Variants in CERS6 observed in about 807,000 individuals in gnomAD.
CERS6 encodes the protein LAG1 homolog, ceramide synthase 6.
CERS6 carries 26 observed loss-of-function variants against 56.8 expected under a neutral mutation model. The observed-to-expected ratio is 0.46, with a 90% confidence interval of 0.34 to 0.63. The LOEUF is 0.63. CERS6 is among the 30% of genes least tolerant of loss of function. The probability of loss-of-function intolerance (pLI) is 0.01; values close to 1 mark genes in which losing one functional copy is unlikely to be tolerated. For synonymous variants in CERS6, 164 were observed against 173.3 expected, an observed-to-expected ratio of 0.95 and a Z score of 0.42; for missense variants, 415 against 467.5, an observed-to-expected ratio of 0.89 and a Z score of 1.04.
chr2:168,604,164 G>A (rs1043752598), intron 3 of CERS6, among the ~76,000 whole-genome samples: 3 of 152,206 alleles, frequency 2.0e-5, no homozygotes, highest in African/African-American at 7.2e-5. Flanking sequence ...CCTTAATTAA[G>A]ATATACTTGA....
At chr2:168,658,504 C>G (rs942345895) in intron 4 of CERS6, among the ~76,000 whole-genome samples, 1 of 152,220 alleles carries the variant, frequency 6.6e-6, no homozygotes, top group African/African-American at 2.4e-5. Flanking sequence ...AGAGGGAACT[C>G]TTTGCCAAGG....
At chr2:168,746,495 G>T (rs1282885677) in intron 8 of CERS6, among the ~76,000 whole-genome samples, 2 of 151,844 alleles carry the variant, frequency 1.3e-5, no homozygotes, top group African/African-American at 4.8e-5. Context: ...ATCTAAGGAA[G>T]ATTTGGGTGG....
At chr2:168,737,069 A>G (rs1246570353) in intron 8 of CERS6, among the ~76,000 whole-genome samples, 1 of 152,114 alleles carries the variant, frequency 6.6e-6, no homozygotes, top group African/African-American at 2.4e-5. Context: ...GTGAAGAGCT[A>G]TTGCTTCCTG....
intron 3 of CERS6, among the ~76,000 whole-genome samples, chr2:168,580,751 A>G (rs1399358692): frequency 6.6e-6 from 1 of 152,022 alleles, no homozygotes; most frequent in African/African-American, 2.4e-5. Flanking sequence ...CTCATTCTTG[A>G]AGATTTTTTC....
intron 1 of CERS6, among the ~76,000 whole-genome samples, chr2:168,542,271 A>G (rs1333151750): frequency 1.3e-5 from 2 of 152,226 alleles, no homozygotes; most frequent in Non-Finnish European, 2.9e-5. Context: ...AGTTCTAAGA[A>G]ATAGTACAAT....
chr2:168,637,128 A>G (rs1439720062), intron 4 of CERS6, among the ~76,000 whole-genome samples: 1 of 152,202 alleles, frequency 6.6e-6, no homozygotes, highest in Non-Finnish European at 1.5e-5. Context: ...ATGCAGAATA[A>G]TCTTAAATAT....
intron 1 of CERS6, among the ~76,000 whole-genome samples, chr2:168,536,407 T>A (rs12463944): frequency 0.43 from 64,658 of 151,952 alleles, 15,037 homozygotes; most frequent in South Asian, 0.72. Context: ...GGAGATTTTT[T>A]AATAAAATAA....
intron 2 of CERS6, among the ~76,000 whole-genome samples, chr2:168,550,750 A>G (rs1461419160): frequency 6.6e-6 from 1 of 152,146 alleles, no homozygotes; most frequent in African/African-American, 2.4e-5. Flanking sequence ...TGCAACCTCT[A>G]TGCCCAGATT....
At chr2:168,505,444 T>A (rs1694660357) in intron 1 of CERS6, among the ~76,000 whole-genome samples, 1 of 149,228 alleles carries the variant, frequency 6.7e-6, no homozygotes, top group Non-Finnish European at 1.5e-5. Context: ...CAAGGAAATC[T>A]CTCCCTATCA....
intron 2 of CERS6, among the ~76,000 whole-genome samples, chr2:168,559,610 A>T (rs1291492374): frequency 6.6e-6 from 1 of 151,324 alleles, no homozygotes; most frequent in Non-Finnish European, 1.5e-5. Context: ...TACCTCTCAA[A>T]GGCTCCAGCT....
intron 8 of CERS6, among the ~76,000 whole-genome samples, chr2:168,731,832 T>TA (rs1322807538): frequency 2.6e-5 from 4 of 152,204 alleles, no homozygotes; most frequent in Non-Finnish European, 2.9e-5. Context: ...ATTCAGAAGA[T>TA]ACGTGAAGCA....
intron 1 of CERS6, among the ~76,000 whole-genome samples, chr2:168,471,417 T>G (rs1217500064): frequency 6.6e-6 from 1 of 152,206 alleles, no homozygotes; most frequent in Non-Finnish European, 1.5e-5. Context: ...TACTTTTTAG[T>G]TTTTTGGCAT....
intron 8 of CERS6, among the ~76,000 whole-genome samples, chr2:168,732,629 G>T (rs1336531720): frequency 6.6e-6 from 1 of 152,174 alleles, no homozygotes; most frequent in Non-Finnish European, 1.5e-5. Context: ...GTCCCTTACA[G>T]CTGTTGTCTG....
chr2:168,549,528 G>A (rs534102213), intron 2 of CERS6, among the ~76,000 whole-genome samples: 8 of 152,206 alleles, frequency 5.3e-5, no homozygotes, highest in Admixed American at 6.5e-5. Flanking sequence ...CCAGCTACTC[G>A]GGAGGCTGAG....
chr2:168,614,331 A>G (rs1476373750), intron 3 of CERS6, among the ~76,000 whole-genome samples: 2 of 152,214 alleles, frequency 1.3e-5, no homozygotes, highest in African/African-American at 2.4e-5. Context: ...CTGTGTCTAC[A>G]CATACTTGTA....
chr2:168,567,418 A>T (rs1410926815), intron 3 of CERS6, among the ~76,000 whole-genome samples: 3 of 152,230 alleles, frequency 2.0e-5, no homozygotes, highest in Admixed American at 1.3e-4. Context: ...TTGCAATTAC[A>T]ATTCTGCTGC....
At chr2:168,631,550 T>TTAAATATAATATATA (rs1684722845) in intron 4 of CERS6, among the ~76,000 whole-genome samples, 1 of 48,772 alleles carries the variant, frequency 2.1e-5, no homozygotes, top group Non-Finnish European at 3.7e-5. Context: ...TATATTATAT[T>TTAAATATAATATATA]TTTAATATTT....
intron 3 of CERS6, among the ~76,000 whole-genome samples, chr2:168,611,460 G>T (rs1445165756): frequency 6.6e-6 from 1 of 152,144 alleles, no homozygotes; most frequent in Non-Finnish European, 1.5e-5. Context: ...GACTTTGAAG[G>T]TTAGATTATT....
chr2:168,463,537 A>C lies in CERS6; in HGVS notation c.170+6919A>C, dbSNP rs148718933. ...AAATGTTTTAGTGTTCTTGATGGAT[A>C]CAAATTGCCAAATTGTTGTCCAGAA... On this transcript the variant is annotated intron_variant, in intron 1 of 9. Coordinates refer to ENST00000305747, the MANE Select transcript of CERS6 (RefSeq NM_203463.3). Among the ~76,000 whole-genome samples, 616 of 152,288 alleles carry C rather than the reference A, an allele frequency of 4.0e-3. 5 individuals are homozygous for C. The highest frequency in any genetic ancestry group is 0.014 in the African/African-American group (583 of 41,552).
Sources: allele counts gnomAD v4.1 joint callset (sites outside exome capture counted in the v4.1 genomes callset), GRCh38; gene constraint gnomAD v4.1.1; transcripts MANE v1.5; gene names NCBI Gene and HGNC (gene_info 2026-07-23, HGNC 2026-07-21).